KCNMB2: variants seen among roughly 807,000 people sequenced by gnomAD.
KCNMB2 encodes the protein potassium calcium-activated channel subfamily M regulatory beta subunit 2.
Under a neutral mutation model 24.5 loss-of-function variants are expected in KCNMB2, and 9 were observed. The observed-to-expected ratio is 0.37, with a 90% CI of 0.22 to 0.64. The LOEUF (loss-of-function observed/expected upper bound fraction) is 0.64, where lower values mean the gene tolerates loss of function less well. KCNMB2 is among the 30% of genes least tolerant of loss of function. The pLI is 0.63. For synonymous variants in KCNMB2, 109 were observed against 104.4 expected, an observed-to-expected ratio of 1.04 and a Z score of -0.27; for missense variants, 226 against 284.3, an observed-to-expected ratio of 0.79 and a Z score of 1.47.
intron 1 of KCNMB2, among the ~76,000 whole-genome samples, chr3:178,561,652 A>G (rs1716321042): frequency 6.6e-6 from 1 of 152,168 alleles, no homozygotes; most frequent in South Asian, 2.1e-4. Context: ...TCACTTCACA[A>G]TTTTTTACCT....
chr3:178,602,526 C>T (rs1465560957), intron 1 of KCNMB2, among the ~76,000 whole-genome samples: 1 of 151,208 alleles, frequency 6.6e-6, no homozygotes, highest in Admixed American at 6.6e-5. Flanking sequence ...CTGTGGGACA[C>T]TTAGGACAAG....
At chr3:178,785,039 T>A (rs923889682) in intron 1 of KCNMB2, among the ~76,000 whole-genome samples, 5 of 151,994 alleles carry the variant, frequency 3.3e-5, no homozygotes, top group African/African-American at 1.2e-4. Context: ...TTTAGCATGT[T>A]AGGAATCAGG....
chr3:178,768,427 T>C (rs1273540983), intron 1 of KCNMB2, among the ~76,000 whole-genome samples: 2 of 152,144 alleles, frequency 1.3e-5, no homozygotes, highest in East Asian at 1.9e-4. Context: ...AGACTATACA[T>C]GATAAATATT....
chr3:178,807,092 G>A (rs1039859718), intron 1 of KCNMB2, among the ~76,000 whole-genome samples: 3 of 152,114 alleles, frequency 2.0e-5, no homozygotes, highest in Admixed American at 6.6e-5. Context: ...AGAAAACCAC[G>A]TTCTCCTAAG....
chr3:178,782,464 C>G (rs1560019550), intron 1 of KCNMB2, among the ~76,000 whole-genome samples: 1 of 151,970 alleles, frequency 6.6e-6, no homozygotes, highest in Non-Finnish European at 1.5e-5. Context: ...TGTTTCCAGA[C>G]TTTTTAATGA....
intron 1 of KCNMB2, among the ~76,000 whole-genome samples, chr3:178,608,633 A>G (rs1718364564): frequency 6.6e-6 from 1 of 151,984 alleles, no homozygotes; most frequent in Non-Finnish European, 1.5e-5. Context: ...TATTCTTTCT[A>G]TTTTTTGTAC....
At chr3:178,719,622 A>C (rs1722729810) in intron 1 of KCNMB2, among the ~76,000 whole-genome samples, 1 of 152,176 alleles carries the variant, frequency 6.6e-6, no homozygotes, top group African/African-American at 2.4e-5. Flanking sequence ...CATGATTTTT[A>C]TGTTCTCTCC....
At chr3:178,614,293 ATATG>A (rs1206572047) in intron 1 of KCNMB2, among the ~76,000 whole-genome samples, 12 of 85,958 alleles carry the variant, frequency 1.4e-4, no homozygotes, top group African/African-American at 3.5e-4. Context: ...ATATATATAT[ATATG>A]TATGTATATA....
intron 1 of KCNMB2, among the ~76,000 whole-genome samples, chr3:178,760,018 ATATATC>A (rs1272386463): frequency 3.3e-5 from 1 of 30,036 alleles, no homozygotes. Flanking sequence ...ATCCAAGAGG[ATATATC>A]TATATATATA....
At chr3:178,728,653 C>T (rs1034650791) in intron 1 of KCNMB2, among the ~76,000 whole-genome samples, 5 of 152,188 alleles carry the variant, frequency 3.3e-5, no homozygotes, top group Non-Finnish European at 5.9e-5. Context: ...CACTCTCTCT[C>T]ATCCACTTTC....
chr3:178,649,706 A>C (rs1720041170), intron 1 of KCNMB2, among the ~76,000 whole-genome samples: 1 of 151,986 alleles, frequency 6.6e-6, no homozygotes, highest in South Asian at 2.1e-4. Context: ...CTGTGGGATC[A>C]GTGATGATAT....
intron 1 of KCNMB2, among the ~76,000 whole-genome samples, chr3:178,781,923 A>G (rs1712868067): frequency 7.4e-6 from 1 of 135,278 alleles, no homozygotes; most frequent in Non-Finnish European, 1.6e-5. Flanking sequence ...TATATCTCCC[A>G]GTGCTATCCC....
intron 1 of KCNMB2, among the ~76,000 whole-genome samples, chr3:178,570,082 A>AG (rs151275767): frequency 0.03 from 4,615 of 152,250 alleles, 232 homozygotes; most frequent in African/African-American, 0.11. Flanking sequence ...CTAATCTGGT[A>AG]GCATTGGCTC....
intron 1 of KCNMB2, among the ~76,000 whole-genome samples, chr3:178,565,174 G>A (rs1456288471): frequency 6.6e-6 from 1 of 152,140 alleles, no homozygotes; most frequent in African/African-American, 2.4e-5. Flanking sequence ...TACATCTAGA[G>A]AATGAGACGA....
chr3:178,630,932 C>T (rs1577061087), intron 1 of KCNMB2, among the ~76,000 whole-genome samples: 3 of 152,246 alleles, frequency 2.0e-5, no homozygotes, highest in Admixed American at 2.0e-4. Context: ...TAGAAAGCAA[C>T]TTTCAATTAT....
In KCNMB2 at chr3:178,570,556, A is replaced by C. The variant is rs1245194347; in HGVS notation, c.-68+33845A>C. ...TTTTTTTTTTGCTCTTGGTAAAGTA[A>C]ATGTTTCCTTTGTTAATAACTCAGT... On this transcript the variant is annotated intron_variant, in intron 1 of 4. Transcript: ENST00000452583. Among the ~76,000 whole-genome samples, 10 of 139,446 alleles carry C rather than the reference A, an allele frequency of 7.2e-5. 1 individual carries two copies. 91.5% of individuals were successfully genotyped at this position (139,446 alleles called of 152,430 possible).
chr3:178,538,941 A>C (rs911025030), intron 1 of KCNMB2, among the ~76,000 whole-genome samples: 1 of 152,192 alleles, frequency 6.6e-6, no homozygotes, highest in Non-Finnish European at 1.5e-5. Context: ...ATCTAGTAAT[A>C]AAAAACAAAC....
chr3:178,735,088 G>C (rs1273876352), intron 1 of KCNMB2, among the ~76,000 whole-genome samples: 2 of 152,226 alleles, frequency 1.3e-5, no homozygotes, highest in African/African-American at 4.8e-5. Context: ...GCCCCAGCAT[G>C]TTGCCTTCTG....
At chr3:178,719,183 C>T (rs922354164) in intron 1 of KCNMB2, among the ~76,000 whole-genome samples, 3 of 151,650 alleles carry the variant, frequency 2.0e-5, no homozygotes, top group Admixed American at 2.0e-4. Context: ...TTAACAATTA[C>T]TGCATGTCAA....
Sources: allele counts gnomAD v4.1 joint callset (sites outside exome capture counted in the v4.1 genomes callset), GRCh38; gene constraint gnomAD v4.1.1; transcripts MANE v1.5; gene names NCBI Gene and HGNC (gene_info 2026-07-23, HGNC 2026-07-21).